Variants in PRKCH observed in about 807,000 individuals in gnomAD.
PRKCH encodes protein kinase C eta, also known as protein kinase C eta type.
Under a neutral mutation model 82.5 loss-of-function variants are expected in PRKCH, and 28 were observed. The observed-to-expected ratio is 0.34, with a 90% CI of 0.25 to 0.47. PRKCH has a LOEUF of 0.47. PRKCH is among the 20% of genes least tolerant of loss of function. The pLI is 1.00. For missense variants in PRKCH, 705 were observed against 881.8 expected (o/e 0.80, Z 2.54); for synonymous variants, 322 against 327.4 (o/e 0.98, Z 0.18).
intron 2 of PRKCH, among the ~76,000 whole-genome samples, chr14:61,392,898 C>A (rs1004261189): frequency 3.1e-4 from 46 of 150,308 alleles, no homozygotes; most frequent in African/African-American, 1.1e-3. Flanking sequence ...GGTCTGTATG[C>A]CTTCTTAAAT....
intron 1 of PRKCH, among the ~76,000 whole-genome samples, chr14:61,239,941 A>C (rs1326003612): frequency 6.6e-6 from 1 of 152,180 alleles, no homozygotes; most frequent in African/African-American, 2.4e-5. Flanking sequence ...ATAACCACAC[A>C]ATTGTATATT....
At chr14:61,362,368 G>A (rs1488960328) in intron 1 of PRKCH, among the ~76,000 whole-genome samples, 2 of 150,468 alleles carry the variant, frequency 1.3e-5, no homozygotes, top group African/African-American at 2.4e-5. Context: ...AAGGAAACAA[G>A]GGGCCAAGGG....
chr14:61,266,799 A>T (rs1455825679), intron 1 of PRKCH, among the ~76,000 whole-genome samples: 1 of 152,204 alleles, frequency 6.6e-6, no homozygotes, highest in Non-Finnish European at 1.5e-5. Flanking sequence ...TGATATAAGA[A>T]TCTGTGTATG....
chr14:61,277,134 C>T (rs916326634), intron 1 of PRKCH, among the ~76,000 whole-genome samples: 5 of 151,856 alleles, frequency 3.3e-5, no homozygotes, highest in South Asian at 4.2e-4. Flanking sequence ...TGCAGTGAGC[C>T]GAGGTTGCAG....
At chr14:61,458,484 G>C (rs138446534) in intron 9 of PRKCH, among the ~76,000 whole-genome samples, 2 of 152,170 alleles carry the variant, frequency 1.3e-5, no homozygotes, top group Non-Finnish European at 2.9e-5. Context: ...ATCCAAAGCA[G>C]AAAGCATAAG....
chr14:61,367,039 T>G (rs896812372), intron 1 of PRKCH, among the ~76,000 whole-genome samples: 1 of 152,076 alleles, frequency 6.6e-6, no homozygotes, highest in Admixed American at 6.5e-5. Flanking sequence ...TCCACTTTCC[T>G]ACATATTCCA....
intron 1 of PRKCH, among the ~76,000 whole-genome samples, chr14:61,282,962 C>T (rs937691503): frequency 6.6e-6 from 1 of 152,092 alleles, no homozygotes; most frequent in Non-Finnish European, 1.5e-5. Context: ...TTGAGTTCCA[C>T]CCACCCGTTT....
intron 12 of PRKCH, among the ~76,000 whole-genome samples, chr14:61,541,587 T>G (rs1398415281): frequency 6.6e-6 from 1 of 152,226 alleles, no homozygotes; most frequent in Non-Finnish European, 1.5e-5. Flanking sequence ...AAGGTCATTT[T>G]GTTTGCCCAA....
At chr14:61,289,642 G>GGCT (rs1392866323) in intron 1 of PRKCH, among the ~76,000 whole-genome samples, 4 of 152,230 alleles carry the variant, frequency 2.6e-5, no homozygotes, top group African/African-American at 9.6e-5. Context: ...AGGAGGTGGA[G>GGCT]GCTGCAGTGA....
At chr14:61,404,887 CA>C (rs1270507580) in intron 2 of PRKCH, among the ~76,000 whole-genome samples, 2 of 152,092 alleles carry the variant, frequency 1.3e-5, no homozygotes, top group Admixed American at 1.3e-4. Flanking sequence ...GCCTTGAGGT[CA>C]GGGGAGGTGC....
intron 1 of PRKCH, among the ~76,000 whole-genome samples, chr14:61,268,723 C>T (rs1485195421): frequency 6.6e-6 from 1 of 152,112 alleles, no homozygotes; most frequent in Non-Finnish European, 1.5e-5. Flanking sequence ...AAAAAGTAGG[C>T]AAAGTTTAAA....
intron 1 of PRKCH, among the ~76,000 whole-genome samples, chr14:61,212,510 C>G (rs2044590557): frequency 6.6e-6 from 1 of 152,218 alleles, no homozygotes. Context: ...AAAGGATTTT[C>G]AAGAAATAGG....
chr14:61,438,665 A>G (rs1259011910), intron 2 of PRKCH, among the ~76,000 whole-genome samples: 1 of 151,976 alleles, frequency 6.6e-6, no homozygotes, highest in South Asian at 2.1e-4. Context: ...TCAGAGACAT[A>G]CTCCTCATCC....
At chr14:61,441,629 T>C (rs1883977644) in intron 2 of PRKCH, among the ~76,000 whole-genome samples, 1 of 152,138 alleles carries the variant, frequency 6.6e-6, no homozygotes, top group Admixed American at 6.6e-5. Flanking sequence ...GTTCATACTT[T>C]TAAAAATTGA....
At chr14:61,364,440 G>A (rs2046272060) in intron 1 of PRKCH, among the ~76,000 whole-genome samples, 1 of 152,000 alleles carries the variant, frequency 6.6e-6, no homozygotes, top group South Asian at 2.1e-4. Flanking sequence ...TGTGTCAGAG[G>A]CAGCAGATAC....
chr14:61,355,339 T>G (rs2046134614), intron 1 of PRKCH, among the ~76,000 whole-genome samples: 1 of 151,814 alleles, frequency 6.6e-6, no homozygotes. Flanking sequence ...TTTTTTTTTC[T>G]TATTATTAAA....
intron 9 of PRKCH, among the ~76,000 whole-genome samples, chr14:61,472,600 G>A (rs1056403754): frequency 2.6e-5 from 4 of 152,130 alleles, no homozygotes; most frequent in African/African-American, 9.7e-5. Flanking sequence ...CCTTACCAGA[G>A]GATTGCTTGA....
intron 1 of PRKCH, among the ~76,000 whole-genome samples, chr14:61,302,679 G>T (rs2045456390): frequency 6.6e-6 from 1 of 151,988 alleles, no homozygotes; most frequent in South Asian, 2.1e-4. Context: ...AAATATTTGG[G>T]AGTTTTAAGA....
intron 1 of PRKCH, among the ~76,000 whole-genome samples, chr14:61,258,130 TCAAACTGAGA>T (rs1460519632): frequency 6.6e-6 from 1 of 152,068 alleles, no homozygotes; most frequent in Non-Finnish European, 1.5e-5. Context: ...CCAATGTAAA[TCAAACTGAGA>T]CAAATAGGTT....
Sources: allele counts gnomAD v4.1 joint callset (sites outside exome capture counted in the v4.1 genomes callset), GRCh38; gene constraint gnomAD v4.1.1; transcripts MANE v1.5; gene names NCBI Gene and HGNC (gene_info 2026-07-23, HGNC 2026-07-21).